Variants in HMGA1 observed in about 807,000 individuals in gnomAD.
The protein encoded by HMGA1 is high mobility group protein HMG-I/HMG-Y.
A neutral mutation model predicts 15.1 loss-of-function variants in HMGA1; 1 was observed. That is an observed-to-expected ratio of 0.07 (90% confidence interval 0.02 to 0.31). The LOEUF is 0.31. Ranked by LOEUF, HMGA1 falls within the 10% of genes least tolerant of loss-of-function variation. The pLI, the probability that HMGA1 is intolerant of heterozygous loss-of-function variation, is 1.00. For synonymous variants in HMGA1, 56 were observed against 54.8 expected, an observed-to-expected ratio of 1.02 and a Z score of -0.10; for missense variants, 94 against 141.4, an observed-to-expected ratio of 0.66 and a Z score of 1.70.
At chr6:34,241,613 G>A (rs952629888) in intron 3 of HMGA1, among the ~76,000 whole-genome samples, 2 of 152,218 alleles carry the variant, frequency 1.3e-5, no homozygotes, top group African/African-American at 4.8e-5. Flanking sequence ...TGCCAGCCTG[G>A]CGCTGTGGGG....
At chr6:34,240,047 TC>T (rs1762170812) in intron 2 of HMGA1, among the ~76,000 whole-genome samples, 1 of 151,924 alleles carries the variant, frequency 6.6e-6, no homozygotes, top group South Asian at 2.1e-4. Flanking sequence ...CTCACTTTCC[TC>T]CCCCACCTCA....
chr6:34,238,387 A>C (rs1762004310), intron 2 of HMGA1, among the ~76,000 whole-genome samples: 1 of 152,122 alleles, frequency 6.6e-6, no homozygotes. Flanking sequence ...CTAGGCGGGT[A>C]GGCAAAGTGT....
chr6:34,241,501 A>C (rs1015551171), intron 3 of HMGA1, among the ~76,000 whole-genome samples: 1 of 152,200 alleles, frequency 6.6e-6, no homozygotes, highest in African/African-American at 2.4e-5. Flanking sequence ...CTTTAGATGG[A>C]AATTGAAGCC....
chr6:34,241,809 A>G (rs1041210948), intron 3 of HMGA1, among the ~76,000 whole-genome samples: 2 of 152,208 alleles, frequency 1.3e-5, no homozygotes, highest in Admixed American at 6.5e-5. Context: ...GTTCACCTGC[A>G]GGTTTTCCCT....
At chr6:34,243,945 G>A (rs983308962) in intron 5 of HMGA1, among the ~76,000 whole-genome samples, 1 of 152,082 alleles carries the variant, frequency 6.6e-6, no homozygotes, top group East Asian at 1.9e-4. Flanking sequence ...GGAGGGGTCG[G>A]TGCTGGAGTT....
At chr6:34,239,114 C>G (rs913038713) in intron 2 of HMGA1, among the ~76,000 whole-genome samples, 7 of 152,134 alleles carry the variant, frequency 4.6e-5, no homozygotes, top group African/African-American at 1.7e-4. Context: ...AAAAGGGTCT[C>G]CAAGTCTGAA....
intron 2 of HMGA1, among the ~76,000 whole-genome samples, chr6:34,238,039 C>G (rs2127537922): frequency 6.6e-6 from 1 of 152,252 alleles, no homozygotes; most frequent in African/African-American, 2.4e-5. Flanking sequence ...CTCCCCGTTT[C>G]TATTTTATTT....
intron 2 of HMGA1, 81 bp downstream of exon 2, chr6:34,237,398 G>A (rs1161060174): frequency 1.4e-5 from 2 of 144,656 alleles, no homozygotes; most frequent in African/African-American, 2.5e-5. Flanking sequence ...CCTCCTGCGA[G>A]CCGCCCGGGG....
intron 2 of HMGA1, among the ~76,000 whole-genome samples, chr6:34,238,557 C>G (rs1762025262): frequency 1.3e-5 from 2 of 152,122 alleles, no homozygotes; most frequent in African/African-American, 4.8e-5. Flanking sequence ...CCTGCAGAGT[C>G]CTTAAGTATT....
At position 34,245,532 on chromosome 6, in the gene HMGA1, G is replaced by A. The variant is rs566486075; in HGVS notation, c.*648G>A. ...AGCCCCCTTCGGTTACAGGAAGGCA[G>A]GAGGGGTGAGTCCCCTACTCCCTCT... On this transcript the variant is annotated 3_prime_UTR_variant, in exon 6 of 6. Transcript: ENST00000311487. 5.1e-6 allele frequency: 7 copies of A among 1,382,078 alleles called. No homozygotes were observed. Among genetic ancestry groups the A allele is most frequent in the Middle Eastern group, 1.9e-4 (1 of 5,162 alleles). 85.6% of individuals were successfully genotyped at this position (1,382,078 alleles called of 1,614,324 possible). A position where few individuals can be genotyped will look rare whatever the true frequency, so the allele number is the denominator to read the frequency against.
chr6:34,240,122 A>G (rs772914078), intron 2 of HMGA1, among the ~76,000 whole-genome samples: 1 of 152,078 alleles, frequency 6.6e-6, no homozygotes, highest in African/African-American at 2.4e-5. Context: ...CCAGGGATTT[A>G]CCCTGGGTGA....
chr6:34,245,093 GT>G lies in HMGA1; in HGVS notation c.*213del. The stretch of plus-strand genomic sequence containing the variant: ...GCTCCCATGGGCTGAGTGGGGAGCA[GT>G]TTTCCCCTGGCCTCAGTTCCCAGCT... On this transcript the variant is annotated 3_prime_UTR_variant, in exon 6 of 6. Transcript: ENST00000311487. 6.6e-7 allele frequency: 1 copy of G among 1,520,050 alleles called. No individual in the cohort carries two copies. The highest frequency in any genetic ancestry group is 1.2e-5 in the South Asian group (1 of 82,950). 94.2% of individuals were successfully genotyped at this position (1,520,050 alleles called of 1,614,324 possible).
chr6:34,240,896 C>G lies in HMGA1; in HGVS notation c.116C>G (p.Thr39Arg). 1 of 1,613,682 alleles carries G rather than the reference C, an allele frequency of 6.2e-7. No individual in the cohort carries two copies. ...AAGCAGCCTCCGGTGAGTCCCGGGA[C>G]AGCGCTGGTAGGGAGTCAGGTGGGT... ...PRKQPPVSPGTALVGSQKEPS... is the reference protein window; with the variant it reads ...PRKQPPVSPGRALVGSQKEPS... The change falls in exon 3 of 6, where the codon ACA becomes AGA. Residue 39 changes from threonine to arginine, a missense_variant. Thr to Arg is a moderately conservative substitution (Grantham distance 71). Transcript: ENST00000311487.
chr6:34,239,032 T>C (rs1349815085), intron 2 of HMGA1: 1 of 152,140 alleles, frequency 6.6e-6, no homozygotes, highest in Non-Finnish European at 1.5e-5. Context: ...AAGATTCTAA[T>C]CACTGCCTGT....
chr6:34,237,826 A>G lies in HMGA1; in HGVS notation c.-45+509A>G, dbSNP rs534347924. ...TGAGGGAGATGGGGAGGAACCCCCA[A>G]ATTCGGCCCTACGCCCTCTCGGCCT... On this transcript the variant is annotated intron_variant, in intron 2 of 5. Coordinates refer to ENST00000311487, the MANE Select transcript of HMGA1 (RefSeq NM_145899.3). 3.0e-4 allele frequency among the ~76,000 whole-genome samples: 45 copies of G among 151,666 alleles called. 1 individual carries two copies. The highest frequency in any genetic ancestry group is 1.6e-3 in the Admixed American group (25 of 15,282).
In HMGA1 at chr6:34,237,465, G is replaced by A. The variant is rs1212818236; in HGVS notation, c.-45+148G>A. The A allele has an allele frequency of 2.1e-5, 3 of 143,836 alleles. No homozygotes were observed. In the South Asian group the frequency reaches 6.3e-4, roughly 30 times the overall value. 8.9% of individuals were successfully genotyped at this position (143,836 alleles called of 1,614,324 possible). On this transcript the variant is annotated intron_variant, in intron 2 of 5. Coordinates refer to ENST00000311487, the MANE Select transcript of HMGA1 (RefSeq NM_145899.3). ...GCCGGGGCGGCGCGAGCCGGCGGCG[G>A]GGGAGGGCCGCGCGGCGCGGGGGCG...
intron 2 of HMGA1, among the ~76,000 whole-genome samples, chr6:34,237,610 G>A (rs1432074695): frequency 1.4e-5 from 2 of 147,646 alleles, no homozygotes; most frequent in Admixed American, 6.7e-5. Flanking sequence ...GCGCAGCTGC[G>A]GCGAGCGCGA....
intron 3 of HMGA1, among the ~76,000 whole-genome samples, chr6:34,242,434 C>T (rs774685588): frequency 1.3e-5 from 2 of 152,150 alleles, no homozygotes; most frequent in Non-Finnish European, 2.9e-5. Context: ...AGCCACCTAA[C>T]TGTCTTTCTG....
chr6:34,243,353 G>A, intron 4 of HMGA1, 115 bp from the exon 5 acceptor site: 1 of 820,584 alleles, frequency 1.2e-6, no homozygotes, highest in Non-Finnish European at 2.1e-6. Context: ...CCTGTTGGGT[G>A]AGAGTGTTGG....
Sources: allele counts gnomAD v4.1 joint callset (sites outside exome capture counted in the v4.1 genomes callset), GRCh38; gene constraint gnomAD v4.1.1; transcripts MANE v1.5; gene names NCBI Gene and HGNC (gene_info 2026-07-23, HGNC 2026-07-21).